The following IL1RAPL1 variants were observed in gnomAD, a reference collection of about 807,000 sequenced individuals.
IL1RAPL1 encodes the protein interleukin 1 receptor accessory protein like 1.
In IL1RAPL1, 3 loss-of-function variants were observed where a neutral mutation model predicts 48.4. The ratio of observed to expected loss-of-function variants is 0.06; its 90% CI spans 0.03 to 0.16. The LOEUF is 0.16. Among genes scored for constraint, IL1RAPL1 ranks in the 10% least tolerant of loss-of-function variants. The pLI is 1.00. For missense variants in IL1RAPL1, 349 were observed against 530.6 expected (o/e 0.66, Z 3.36); for synonymous variants, 185 against 187.7 (o/e 0.99, Z 0.12).
At chrX:29,091,762 A>G (rs1394327262) in intron 2 of IL1RAPL1, among the ~76,000 whole-genome samples, 6 of 111,478 alleles carry the variant, frequency 5.4e-5, no homozygotes, top group Admixed American at 9.6e-5. Flanking sequence ...CAGAAGTGCC[A>G]TAACCTAAAA....
At chrX:29,780,894 A>G (rs933876366) in intron 6 of IL1RAPL1, among the ~76,000 whole-genome samples, 1 of 111,570 alleles carries the variant, frequency 9.0e-6, no homozygotes, top group Non-Finnish European at 1.9e-5. Flanking sequence ...AAAATCACAA[A>G]CAGTATTTCC....
chrX:28,930,008 T>A (rs1262923529), intron 2 of IL1RAPL1, among the ~76,000 whole-genome samples: 1 of 112,427 alleles, frequency 8.9e-6, no homozygotes, highest in Admixed American at 9.4e-5. Context: ...ATCAAAAGCT[T>A]AAATAACGAA....
chrX:29,210,652 C>T (rs772576253), intron 2 of IL1RAPL1, among the ~76,000 whole-genome samples: 1 of 111,575 alleles, frequency 9.0e-6, no homozygotes, highest in South Asian at 3.8e-4. Context: ...CACTGCCTGG[C>T]CCACTCACTG....
chrX:29,774,684 G>A (rs753750460), intron 6 of IL1RAPL1, among the ~76,000 whole-genome samples: 5 of 111,566 alleles, frequency 4.5e-5, no homozygotes, highest in Admixed American at 9.6e-5. Context: ...TCGAAATAGC[G>A]TAGTTAAACC....
intron 6 of IL1RAPL1, among the ~76,000 whole-genome samples, chrX:29,686,454 C>T (rs1326407880): frequency 9.0e-6 from 1 of 110,721 alleles, no homozygotes; most frequent in Non-Finnish European, 1.9e-5. Flanking sequence ...TAGGAATGGA[C>T]ATGATAAATA....
intron 5 of IL1RAPL1, among the ~76,000 whole-genome samples, chrX:29,660,777 C>CT (rs1330606586): frequency 1.8e-5 from 2 of 111,873 alleles, no homozygotes; most frequent in Non-Finnish European, 3.8e-5. Flanking sequence ...ATGCCTCCAA[C>CT]TTTGTTCTTT....
intron 2 of IL1RAPL1, among the ~76,000 whole-genome samples, chrX:29,115,437 T>A (rs753773014): frequency 8.9e-6 from 1 of 111,798 alleles, no homozygotes; most frequent in East Asian, 2.8e-4. Flanking sequence ...GGAGGCTGTT[T>A]TCTGAACTCA....
intron 2 of IL1RAPL1, among the ~76,000 whole-genome samples, chrX:29,163,923 A>T (rs1412419886): frequency 8.9e-6 from 1 of 111,956 alleles, no homozygotes; most frequent in Non-Finnish European, 1.9e-5. Context: ...CCAGAAAGAA[A>T]TACATGTCCT....
intron 2 of IL1RAPL1, among the ~76,000 whole-genome samples, chrX:29,070,820 A>C (rs1927550728): frequency 1.8e-5 from 2 of 111,976 alleles, no homozygotes; most frequent in Admixed American, 1.9e-4. Context: ...ACTTGTATAC[A>C]GAAAAAAAGT....
intron 6 of IL1RAPL1, among the ~76,000 whole-genome samples, chrX:29,753,439 T>C (rs755832284): frequency 8.9e-6 from 1 of 112,093 alleles, no homozygotes; most frequent in South Asian, 3.7e-4. Flanking sequence ...TGGAATTTGA[T>C]TTACTAAAAT....
At chrX:29,003,037 T>A (rs1050789804) in intron 2 of IL1RAPL1, among the ~76,000 whole-genome samples, 3 of 110,128 alleles carry the variant, frequency 2.7e-5, no homozygotes, top group African/African-American at 6.6e-5. Context: ...AAAAATCAAC[T>A]TTGCCTAGGA....
chrX:29,595,958 G>A (rs1352758395), intron 5 of IL1RAPL1, among the ~76,000 whole-genome samples: 4 of 111,467 alleles, frequency 3.6e-5, no homozygotes, highest in African/African-American at 1.3e-4. Flanking sequence ...TGTGTAGCTT[G>A]CCAATTATCC....
intron 5 of IL1RAPL1, among the ~76,000 whole-genome samples, chrX:29,405,362 T>TTC (rs1290243871): frequency 0.013 from 1,341 of 99,784 alleles, 184 homozygotes; most frequent in African/African-American, 0.058. Flanking sequence ...TCTGTGTTCT[T>TTC]TATTTATTTA....
chrX:29,838,215 T>C (rs914658950), intron 6 of IL1RAPL1, among the ~76,000 whole-genome samples: 3 of 112,154 alleles, frequency 2.7e-5, no homozygotes, highest in Non-Finnish European at 3.8e-5. Context: ...TCCAGTATGA[T>C]TCATACTTCC....
At chrX:29,314,664 A>G (rs1176122515) in intron 3 of IL1RAPL1, among the ~76,000 whole-genome samples, 1 of 112,512 alleles carries the variant, frequency 8.9e-6, no homozygotes, top group Non-Finnish European at 1.9e-5. Flanking sequence ...TAAAATGGGG[A>G]TACCAGTGGC....
At chrX:28,925,010 A>AT (rs202077716) in intron 2 of IL1RAPL1, among the ~76,000 whole-genome samples, 24 of 110,633 alleles carry the variant, frequency 2.2e-4, no homozygotes, top group African/African-American at 5.9e-4. Flanking sequence ...GTTGAGAGGA[A>AT]TTTTTTTTTC....
intron 3 of IL1RAPL1, among the ~76,000 whole-genome samples, chrX:29,314,627 G>C (rs981425034): frequency 8.9e-6 from 1 of 112,320 alleles, no homozygotes; most frequent in Non-Finnish European, 1.9e-5. Flanking sequence ...TAAGTTGAGC[G>C]ACAACCTCTC....
chrX:29,698,914 A>G (rs1200869821), intron 6 of IL1RAPL1, among the ~76,000 whole-genome samples: 1 of 112,319 alleles, frequency 8.9e-6, no homozygotes, highest in East Asian at 2.8e-4. Flanking sequence ...TACAACAATC[A>G]TTCCTAACTT....
At chrX:28,597,586 C>T (rs1335940624) in intron 1 of IL1RAPL1, among the ~76,000 whole-genome samples, 1 of 110,207 alleles carries the variant, frequency 9.1e-6, no homozygotes, top group Non-Finnish European at 1.9e-5. Flanking sequence ...ACAAAATTAG[C>T]CGGGCATGGT....
Sources: allele counts gnomAD v4.1 joint callset (sites outside exome capture counted in the v4.1 genomes callset), GRCh38; gene constraint gnomAD v4.1.1; transcripts MANE v1.5; gene names NCBI Gene and HGNC (gene_info 2026-07-23, HGNC 2026-07-21).